Variants in CLIC5 observed in about 807,000 individuals in gnomAD.
CLIC5 encodes the protein CLIC family member 5.
A neutral mutation model predicts 24.7 loss-of-function variants in CLIC5; 20 were observed. The ratio of observed to expected loss-of-function variants is 0.81; its 90% CI spans 0.57 to 1.18. The LOEUF (loss-of-function observed/expected upper bound fraction) is 1.18. CLIC5 is among the 50% of genes most tolerant of loss of function. The probability of loss-of-function intolerance (pLI) is 0.00; values close to 1 mark genes in which losing one functional copy is unlikely to be tolerated. For synonymous variants in CLIC5, 159 were observed against 135.6 expected, an observed-to-expected ratio of 1.17 and a Z score of -1.20; for missense variants, 341 against 326.1, an observed-to-expected ratio of 1.05 and a Z score of -0.35.
intron 4 of CLIC5, chr6:45,920,129 C>T (rs1763197487): frequency 1.0e-6 from 1 of 969,716 alleles, no homozygotes; most frequent in Non-Finnish European, 1.2e-6. Flanking sequence ...GCCTTACCTT[C>T]CAACTAATTT....
chr6:45,934,353 T>G (rs1581759977), intron 4 of CLIC5: 1 of 151,892 alleles, frequency 6.6e-6, no homozygotes, highest in African/African-American at 2.4e-5. Flanking sequence ...GGAGTATAAA[T>G]TTTAAAATAG....
the CLIC5 span, among the ~76,000 whole-genome samples, chr6:46,096,256 C>T: frequency 6.6e-6 from 1 of 152,200 alleles, no homozygotes; most frequent in Non-Finnish European, 1.5e-5. Context: ...GCCCTCACCC[C>T]CAACACTGGG....
chr6:46,073,326 C>A (rs143393297), intron 1 of CLIC5, among the ~76,000 whole-genome samples: 6 of 152,228 alleles, frequency 3.9e-5, no homozygotes, highest in African/African-American at 1.4e-4. Context: ...CTTACCCTCA[C>A]AAAATATAAA....
intron 6 of CLIC5, among the ~76,000 whole-genome samples, chr6:45,881,832 T>C (rs912187117): frequency 6.6e-6 from 1 of 152,104 alleles, no homozygotes; most frequent in Non-Finnish European, 1.5e-5. Flanking sequence ...AAGGTTGTGT[T>C]TGGCCAAAGG....
the CLIC5 span, among the ~76,000 whole-genome samples, chr6:46,098,023 T>G: frequency 1.3e-5 from 2 of 152,206 alleles, no homozygotes; most frequent in Non-Finnish European, 2.9e-5. Context: ...AGCCACCCTA[T>G]GGCAACTCAG....
At chr6:45,911,402 C>A (rs1289849550) in intron 5 of CLIC5, among the ~76,000 whole-genome samples, 2 of 152,174 alleles carry the variant, frequency 1.3e-5, no homozygotes, top group Non-Finnish European at 2.9e-5. Context: ...GATATCTCCC[C>A]AGTCCCTTTC....
intron 1 of CLIC5, among the ~76,000 whole-genome samples, chr6:46,073,626 A>G (rs1047074315): frequency 3.3e-5 from 5 of 152,186 alleles, no homozygotes; most frequent in African/African-American, 1.2e-4. Context: ...TCCTCCTCAG[A>G]ACATTCTATT....
At chr6:45,994,924 C>A (rs1476258378) in intron 1 of CLIC5, among the ~76,000 whole-genome samples, 2 of 152,156 alleles carry the variant, frequency 1.3e-5, no homozygotes, top group Admixed American at 6.5e-5. Flanking sequence ...CAGTCCTTTT[C>A]CTTTTTAAAT....
At chr6:45,903,600 A>T (rs1162782020) in intron 5 of CLIC5, among the ~76,000 whole-genome samples, 1 of 152,240 alleles carries the variant, frequency 6.6e-6, no homozygotes, top group African/African-American at 2.4e-5. Flanking sequence ...AAGTCCAACA[A>T]TATATGAATA....
At chr6:45,915,118 C>T (rs909232490) in intron 4 of CLIC5, among the ~76,000 whole-genome samples, 8 of 145,276 alleles carry the variant, frequency 5.5e-5, no homozygotes, top group African/African-American at 1.3e-4. Context: ...TTAGTAGAGA[C>T]GGAGTTTCAC....
chr6:45,922,823 AAGAGAGAGAGAT>A (rs1337509935), intron 4 of CLIC5, among the ~76,000 whole-genome samples: 14 of 140,718 alleles, frequency 9.9e-5, no homozygotes, highest in East Asian at 8.5e-4. Flanking sequence ...GAGAGAGAGA[AAGAGAGAGAGAT>A]AGAGAGAGAG....
At chr6:46,068,921 T>A (rs1029268160) in intron 1 of CLIC5, among the ~76,000 whole-genome samples, 2 of 152,128 alleles carry the variant, frequency 1.3e-5, no homozygotes, top group African/African-American at 4.8e-5. Flanking sequence ...CAGTTTGAGA[T>A]ACTTTATTGC....
chr6:46,099,939 G>A, the CLIC5 span, among the ~76,000 whole-genome samples: 1 of 151,370 alleles, frequency 6.6e-6, no homozygotes, highest in Non-Finnish European at 1.5e-5. Context: ...CTATCTCAAG[G>A]AAAACTTCCA....
intron 5 of CLIC5, among the ~76,000 whole-genome samples, chr6:45,909,917 G>T (rs1043204162): frequency 6.6e-6 from 1 of 152,170 alleles, no homozygotes; most frequent in East Asian, 1.9e-4. Flanking sequence ...CTGGGCTTTT[G>T]TCTCCATTTT....
intron 6 of CLIC5, among the ~76,000 whole-genome samples, chr6:45,883,420 G>A (rs565279054): frequency 7.1e-4 from 108 of 152,258 alleles, no homozygotes; most frequent in Middle Eastern, 6.8e-3. Context: ...CTAGGAATTC[G>A]TTAGACAAGG....
downstream of CLIC5, among the ~76,000 whole-genome samples, chr6:45,896,784 C>A (rs528341983): frequency 5.3e-5 from 8 of 152,178 alleles, no homozygotes; most frequent in Non-Finnish European, 1.2e-4. Context: ...GAAACCAAGA[C>A]ACAGAGAGAT....
In CLIC5 at chr6:45,928,101, G is replaced by A. The variant is rs767976708; in HGVS notation, c.406+13446C>T. Among the ~76,000 whole-genome samples, 149 of 152,250 alleles carry A rather than the reference G, an allele frequency of 9.8e-4. 1 individual carries two copies. The highest frequency in any genetic ancestry group is 2.8e-3 in the African/African-American group (115 of 41,552). On this transcript the variant is annotated intron_variant, in intron 4 of 5. Transcript: ENST00000339561. ...GTGGAGTGCCTTCCTGCAAGACGGC[G>A]CTGGAGCAGGATTTGAAAGAAAGCC...
chr6:46,031,407 G>A lies in CLIC5; in HGVS notation c.540+48296C>T, dbSNP rs1216341429. On this transcript the variant is annotated intron_variant, in intron 1 of 5. Coordinates refer to the CLIC5 transcript ENST00000185206. ...TTAGTTCATTGAAAAAGGAATGCAG[G>A]GATAAATAAATATATGAAAAGGCAT... Among the ~76,000 whole-genome samples the A allele has an allele frequency of 4.6e-5, 7 of 151,922 alleles. No homozygotes were observed. In the South Asian group the frequency reaches 1.4e-3, roughly 31 times the overall value.
In CLIC5 at chr6:46,001,982, C is replaced by A. The variant is rs536742428; in HGVS notation, c.63+13498G>T. On this transcript the variant is annotated intron_variant, in intron 1 of 5. Transcript: ENST00000339561. ...GTGTCTCAGAAAGACTCAGAAAGTC[C>A]TAGCAGTGAGGCTGGACCACCCCCA... is the stretch of plus-strand genomic sequence containing the variant. Among the ~76,000 whole-genome samples the A allele has an allele frequency of 7.9e-5, 12 of 152,266 alleles. No individual in the cohort carries two copies. In the South Asian group the frequency reaches 1.7e-3, roughly 21 times the overall value.
Sources: allele counts gnomAD v4.1 joint callset (sites outside exome capture counted in the v4.1 genomes callset), GRCh38; gene constraint gnomAD v4.1.1; transcripts MANE v1.5; gene names NCBI Gene and HGNC (gene_info 2026-07-23, HGNC 2026-07-21).